Variants in CPEB3 observed in about 807,000 individuals in gnomAD.
CPEB3 encodes cytoplasmic polyadenylation element-binding protein 3.
In CPEB3, 20 loss-of-function variants were observed where a neutral mutation model predicts 67.2. The ratio of observed to expected loss-of-function variants is 0.30; its 90% CI spans 0.21 to 0.43. The LOEUF is 0.43. Ranked by LOEUF, CPEB3 falls within the 20% of genes least tolerant of loss-of-function variation. The pLI is 1.00. For missense variants in CPEB3, 746 were observed against 968.6 expected, an observed-to-expected ratio of 0.77 and a Z score of 3.05; for synonymous variants, 376 against 393.1, an observed-to-expected ratio of 0.96 and a Z score of 0.51.
chr10:92,170,820 A>C (rs1199245902), intron 4 of CPEB3, among the ~76,000 whole-genome samples: 1 of 152,234 alleles, frequency 6.6e-6, no homozygotes, highest in Admixed American at 6.5e-5. Context: ...TGCTTACTAC[A>C]GTGGTATACA....
intron 1 of CPEB3, chr10:92,243,244 A>T (rs1399341662): frequency 6.6e-6 from 1 of 152,168 alleles, no homozygotes; most frequent in Non-Finnish European, 1.5e-5. Flanking sequence ...CAGGTTGATT[A>T]TGTGACCGCT....
intron 8 of CPEB3, among the ~76,000 whole-genome samples, chr10:92,088,778 C>A (rs1414948691): frequency 6.6e-6 from 1 of 152,078 alleles, no homozygotes; most frequent in Non-Finnish European, 1.5e-5. Context: ...GTAGGGACAC[C>A]CATATCTAGT....
At position 92,083,389 on chromosome 10, in the gene CPEB3, G is replaced by A. The variant is rs529277390; in HGVS notation, c.1688-1888C>T. The stretch of plus-strand genomic sequence containing the variant: ...TGATGCTGACTGCAGTCTTGGGGCA[G>A]GATCCAGGAATCACATTCATTCAAA... On this transcript the variant is annotated intron_variant, in intron 8 of 9. Transcript: ENST00000265997. Among the ~76,000 whole-genome samples, 9 of 152,302 alleles carry A rather than the reference G, an allele frequency of 5.9e-5. No homozygotes were observed. The South Asian group carries it at 1.7e-3, about 28-fold the overall frequency.
In CPEB3 at chr10:92,052,234, T is replaced by G. The variant is rs1227931366; in HGVS notation, c.2075A>C (p.His692Pro). The change falls in exon 10 of 10, where the codon CAC becomes CCC. Residue 692 changes from histidine (H) to proline (P), a missense_variant. By Grantham distance (77) the His-to-Pro change is moderately conservative. Coordinates refer to ENST00000265997, the MANE Select transcript of CPEB3 (RefSeq NM_014912.5). ...GGCTCAGCTCCAGCGGAACGGGACG[T>G]GACGAGGGCGGTCGCCTCCCTCCTT... ...LVKEGGDRPR[H>P]VPFRWS 3 of 1,613,670 alleles carry G rather than the reference T, an allele frequency of 1.9e-6. No homozygotes were observed. Among genetic ancestry groups the G allele is most frequent in the Admixed American group, 3.3e-5 (2 of 60,008 alleles).
At chr10:92,208,733 A>G (rs966180273) in intron 2 of CPEB3, among the ~76,000 whole-genome samples, 3 of 151,884 alleles carry the variant, frequency 2.0e-5, no homozygotes, top group Admixed American at 2.0e-4. Context: ...AGCTGAGACC[A>G]CAGGTGCACA....
At chr10:92,195,086 CA>C (rs545389639) in intron 2 of CPEB3, among the ~76,000 whole-genome samples, 35 of 142,580 alleles carry the variant, frequency 2.5e-4, no homozygotes, top group South Asian at 1.1e-3. Context: ...CACACACGTA[CA>C]AAAAAAAAAC....
At chr10:92,078,178 G>A (rs906232088) in intron 9 of CPEB3, among the ~76,000 whole-genome samples, 7 of 152,154 alleles carry the variant, frequency 4.6e-5, no homozygotes, top group East Asian at 3.9e-4. Flanking sequence ...TAAGTGACCC[G>A]CCCAAGGTCA....
rs1243285287 is a variant in CPEB3, at chr10:92,240,152, C to T, written c.199G>A (p.Gly67Ser). 9.0e-6 allele frequency: 14 copies of T among 1,556,692 alleles called. No individual in the cohort carries two copies. Among genetic ancestry groups the T allele is most frequent in the Non-Finnish European group, 1.2e-5 (14 of 1,149,756 alleles). ...SPAAAPPAPN[G>S]PDKMQMESPL... ...GATTCCATCTGCATCTTGTCCGGGC[C>T]GTTGGGGGCCGGGGGGGCAGCGGCT... is the stretch of plus-strand genomic sequence containing the variant. The change falls in exon 2 of 10, where the codon GGC becomes AGC. Residue 67 changes from glycine (G) to serine (S), a missense_variant. Gly to Ser is a moderately conservative substitution (Grantham distance 56, BLOSUM62 0). Around this residue, in one of 2 missense-constraint regions of CPEB3, gnomAD observed 643 missense variants for 717.5 expected, o/e 0.90. Transcript: ENST00000265997.
chr10:92,290,948 C>G lies in CPEB3; in HGVS notation c.-34G>C, dbSNP rs963910651. 6.3e-6 allele frequency: 1 copy of G among 158,786 alleles called. No homozygotes were observed. Among genetic ancestry groups the G allele is most frequent in the African/African-American group, 2.4e-5 (1 of 41,490 alleles). The allele number at this position is 158,786 out of a possible 1,614,324, so 9.8% of individuals were successfully genotyped here. A position where few individuals can be genotyped will look rare whatever the true frequency, so the allele number is the denominator to read the frequency against. ...GACCTTGTTGCTACCGACAGTGGAG[C>G]GGCGCATCCTGCTGCTTCCTGGAAA... On this transcript the variant is annotated 5_prime_UTR_variant, in exon 1 of 10. Transcript: ENST00000265997.
At chr10:92,102,097 A>C (rs1013397949) in intron 7 of CPEB3, among the ~76,000 whole-genome samples, 1 of 152,284 alleles carries the variant, frequency 6.6e-6, no homozygotes, top group Admixed American at 6.5e-5. Context: ...TCCCTAACAA[A>C]TAGGTCAGCC....
At chr10:92,115,256 T>G (rs1439028534) in intron 6 of CPEB3, among the ~76,000 whole-genome samples, 1 of 152,110 alleles carries the variant, frequency 6.6e-6, no homozygotes, top group African/African-American at 2.4e-5. Flanking sequence ...CGGATTCAAG[T>G]GATTCTCCTG....
At chr10:92,251,277 T>A (rs978463577) in intron 1 of CPEB3, among the ~76,000 whole-genome samples, 4 of 152,146 alleles carry the variant, frequency 2.6e-5, no homozygotes, top group Non-Finnish European at 5.9e-5. Context: ...ATCCCCTTTG[T>A]TGGTAAGCAA....
chr10:92,277,645 C>T (rs1359314611), intron 1 of CPEB3, among the ~76,000 whole-genome samples: 3 of 152,132 alleles, frequency 2.0e-5, no homozygotes, highest in Non-Finnish European at 2.9e-5. Flanking sequence ...AATCCGAGCA[C>T]GTTGGGAGGT....
At chr10:92,224,041 A>G (rs1243406639) in intron 2 of CPEB3, among the ~76,000 whole-genome samples, 1 of 152,184 alleles carries the variant, frequency 6.6e-6, no homozygotes, top group Non-Finnish European at 1.5e-5. Context: ...CTGGGATTAC[A>G]GGTGTAAACC....
chr10:92,115,219 T>C (rs1159863998), intron 6 of CPEB3, among the ~76,000 whole-genome samples: 1 of 152,170 alleles, frequency 6.6e-6, no homozygotes, highest in Non-Finnish European at 1.5e-5. Flanking sequence ...AGTGAGGCGA[T>C]CTCGGATCCC....
intron 9 of CPEB3, among the ~76,000 whole-genome samples, chr10:92,074,596 T>C (rs1429026183): frequency 2.0e-5 from 3 of 152,162 alleles, no homozygotes; most frequent in Non-Finnish European, 4.4e-5. Flanking sequence ...AACGTATGTA[T>C]AATGACCCTG....
chr10:92,097,022 A>G (rs1305507587), intron 7 of CPEB3, among the ~76,000 whole-genome samples: 2 of 152,154 alleles, frequency 1.3e-5, no homozygotes, highest in Non-Finnish European at 2.9e-5. Context: ...CCATGTCCTT[A>G]TGGTAGGGGT....
intron 1 of CPEB3, among the ~76,000 whole-genome samples, chr10:92,261,464 T>G (rs1425462465): frequency 6.6e-6 from 1 of 151,920 alleles, no homozygotes; most frequent in Admixed American, 6.6e-5. Flanking sequence ...GTTTTGTTTT[T>G]TTGAGACACA....
chr10:92,168,424 C>T (rs1263516830), intron 4 of CPEB3, among the ~76,000 whole-genome samples: 4 of 152,158 alleles, frequency 2.6e-5, no homozygotes, highest in African/African-American at 9.7e-5. Context: ...TGCTTCAAGT[C>T]TCTCAGCCTA....
Sources: gnomAD v4.1 joint callset for allele counts (sites outside exome capture counted in the v4.1 genomes callset) on GRCh38, gnomAD v4.1.1 for gene constraint, gnomAD v4.1.1 regional missense constraint, MANE v1.5 for transcripts, NCBI Gene and HGNC (gene_info 2026-07-23, HGNC 2026-07-21) for gene names.